The following MAP7D3 variants were observed in gnomAD, a reference collection of about 807,000 sequenced individuals.
MAP7D3 encodes the protein MAP7 domain-containing protein 3.
Under a neutral mutation model 62.2 loss-of-function variants are expected in MAP7D3, and 45 were observed. The observed-to-expected ratio is 0.72, with a 90% CI of 0.57 to 0.93. MAP7D3 has a LOEUF of 0.93. MAP7D3 is among the 40% of genes least tolerant of loss of function. The pLI is 0.00. For missense variants in MAP7D3, 711 were observed against 683.1 expected, an observed-to-expected ratio of 1.04 and a Z score of -0.45; for synonymous variants, 288 against 248.8, an observed-to-expected ratio of 1.16 and a Z score of -1.48.
At chrX:136,254,079 T>A (rs745560806), upstream of MAP7D3, among the ~76,000 whole-genome samples, 63 of 109,405 alleles carry the variant, frequency 5.8e-4, no homozygotes, top group African/African-American at 2.0e-3. Context: ...AATAAGAAGT[T>A]AGATAATTTT....
chrX:136,221,604 C>T (rs1267743068), intron 15 of MAP7D3, among the ~76,000 whole-genome samples: 1 of 112,670 alleles, frequency 8.9e-6, no homozygotes, highest in African/African-American at 3.2e-5. Context: ...GGATTACAGG[C>T]GTGAGCCACT....
rs749530428 is a variant in MAP7D3, at chrX:136,222,385, T to C, written c.2287+8A>G. On this transcript the variant is annotated splice_region_variant and intron_variant, in intron 15 of 18. Transcript: ENST00000316077. ...CCTAAGCAGTCTAGCTCCTAAATGG[T>C]GACTAACCTGATGGAAACATTTCAT... is the stretch of plus-strand genomic sequence containing the variant. 4.2e-6 allele frequency: 5 copies of C among 1,193,858 alleles called. No individual in the cohort carries two copies. In the East Asian group the frequency reaches 1.5e-4, roughly 35 times the overall value.
chrX:136,217,524 C>A lies in MAP7D3; in HGVS notation c.*1002G>T, dbSNP rs1003708517. On this transcript the variant is annotated 3_prime_UTR_variant, in exon 19 of 19. Transcript: ENST00000316077. ...CCAAGATGGGGCTTTACAGGACTCCCAGCATTTCAGGTTATTAGTGCCTGT... is the reference window on the plus strand; with the variant it reads ...CCAAGATGGGGCTTTACAGGACTCCAAGCATTTCAGGTTATTAGTGCCTGT... The A allele has an allele frequency of 8.9e-6, 1 of 111,878 alleles. No individual in the cohort carries two copies. Among genetic ancestry groups the A allele is most frequent in the Non-Finnish European group, 1.9e-5 (1 of 53,141 alleles). The allele number at this position is 111,878 out of a possible 1,213,427, so 9.2% of individuals were successfully genotyped here.
At chrX:136,242,112 A>G (rs1233818455) in intron 4 of MAP7D3, among the ~76,000 whole-genome samples, 2 of 112,140 alleles carry the variant, frequency 1.8e-5, no homozygotes, top group African/African-American at 6.5e-5. Context: ...TAAACGTACT[A>G]GGAAAATGGA....
chrX:136,233,596 T>C (rs938168322), intron 7 of MAP7D3, among the ~76,000 whole-genome samples: 2 of 91,334 alleles, frequency 2.2e-5, no homozygotes, highest in Admixed American at 2.8e-4. Flanking sequence ...TTTCAAAAGG[T>C]ATTTGGAGGT....
At chrX:136,246,730 A>G (rs2074452744) in intron 1 of MAP7D3, among the ~76,000 whole-genome samples, 1 of 112,497 alleles carries the variant, frequency 8.9e-6, no homozygotes, top group East Asian at 2.8e-4. Flanking sequence ...AAGTTTCACC[A>G]TAAATTGGGA....
intron 16 of MAP7D3, among the ~76,000 whole-genome samples, 169 bp downstream of exon 16, chrX:136,220,596 C>T (rs772431222): frequency 1.8e-5 from 2 of 112,327 alleles, no homozygotes; most frequent in South Asian, 7.4e-4. Context: ...GATGATGATC[C>T]TTACCTAGCA....
At chrX:136,251,538 G>C, upstream of MAP7D3, 3 of 838,760 alleles carry the variant, frequency 3.6e-6, no homozygotes, top group Non-Finnish European at 4.3e-6. Context: ...ATTGCCCCTT[G>C]CGTCCCACGT....
At chrX:136,241,900 C>T (rs2074393830) in intron 4 of MAP7D3, among the ~76,000 whole-genome samples, 1 of 111,653 alleles carries the variant, frequency 9.0e-6, no homozygotes, top group Non-Finnish European at 1.9e-5. Flanking sequence ...AAAGTAAATA[C>T]CATGCTGCAG....
chrX:136,220,380 A>G (rs2074112067), intron 16 of MAP7D3, among the ~76,000 whole-genome samples: 1 of 113,160 alleles, frequency 8.8e-6, no homozygotes, highest in Non-Finnish European at 1.9e-5. Flanking sequence ...AATAGGTAAT[A>G]TAAAATGCCT....
At chrX:136,236,383 TA>T (rs2074330527) in intron 6 of MAP7D3, 44 bp from the exon 7 acceptor site, 1 of 791,565 alleles carries the variant, frequency 1.3e-6, no homozygotes, top group Admixed American at 2.6e-5. Flanking sequence ...CATAAACTAC[TA>T]ATTATCTCAG....
intron 14 of MAP7D3, among the ~76,000 whole-genome samples, 184 bp from the exon 15 acceptor site, chrX:136,222,670 G>A (rs1464013891): frequency 1.8e-5 from 2 of 111,248 alleles, no homozygotes; most frequent in Non-Finnish European, 3.8e-5. Context: ...ACAGGTGCCC[G>A]TAGCTGCGTC....
intron 8 of MAP7D3, 59 bp from the exon 9 acceptor site, chrX:136,231,025 G>GTT: frequency 1.1e-6 from 1 of 869,793 alleles, no homozygotes; most frequent in Non-Finnish European, 1.5e-6. Flanking sequence ...ACTGCAGCTG[G>GTT]CTTTTTTTTT....
intron 15 of MAP7D3, among the ~76,000 whole-genome samples, chrX:136,222,157 G>GC (rs1423135854): frequency 2.7e-5 from 3 of 112,366 alleles, no homozygotes; most frequent in African/African-American, 9.7e-5. Context: ...ATAATAAGCA[G>GC]CAGCAGCTGA....
intron 1 of MAP7D3, among the ~76,000 whole-genome samples, chrX:136,247,190 G>A (rs2074457079): frequency 8.9e-6 from 1 of 112,351 alleles, no homozygotes. Context: ...AGCACAGTAT[G>A]AGGAAAAGTA....
intron 1 of MAP7D3, among the ~76,000 whole-genome samples, chrX:136,247,436 G>T (rs895809797): frequency 8.9e-6 from 1 of 111,769 alleles, no homozygotes. Flanking sequence ...AAATGTAACA[G>T]TTGAAGATGG....
intron 1 of MAP7D3, among the ~76,000 whole-genome samples, 172 bp downstream of exon 1, chrX:136,251,116 CT>C (rs1434352516): frequency 8.8e-6 from 1 of 113,058 alleles, no homozygotes; most frequent in Non-Finnish European, 1.9e-5. Flanking sequence ...GCCCCCGCCC[CT>C]GTCCCATCCC....
At chrX:136,233,564 G>A (rs770604883) in intron 7 of MAP7D3, among the ~76,000 whole-genome samples, 3 of 96,537 alleles carry the variant, frequency 3.1e-5, no homozygotes, top group South Asian at 5.9e-4. Context: ...GTGAGACACC[G>A]CACCTGGCCT....
chrX:136,248,174 C>T (rs1033627043), intron 1 of MAP7D3, among the ~76,000 whole-genome samples: 1 of 112,037 alleles, frequency 8.9e-6, no homozygotes, highest in African/African-American at 3.2e-5. Flanking sequence ...CCAGCCTGGG[C>T]AACCCTGTCT....
Sources: allele counts gnomAD v4.1 joint callset (sites outside exome capture counted in the v4.1 genomes callset), GRCh38; gene constraint gnomAD v4.1.1; transcripts MANE v1.5; gene names NCBI Gene and HGNC (gene_info 2026-07-23, HGNC 2026-07-21).